ANKRD12: variants seen among roughly 807,000 people sequenced by gnomAD.
The protein encoded by ANKRD12 is ankyrin repeat domain 12.
In ANKRD12, 85 loss-of-function variants were observed where a neutral mutation model predicts 183.4. The observed-to-expected ratio is 0.46, with a 90% CI of 0.39 to 0.56. The LOEUF is 0.56. Among genes scored for constraint, ANKRD12 ranks in the 20% least tolerant of loss-of-function variants. The probability of loss-of-function intolerance (pLI) is 0.00; values close to 1 mark genes in which losing one functional copy is unlikely to be tolerated. For synonymous variants in ANKRD12, 914 were observed against 800.2 expected (o/e 1.14, Z -2.40); for missense variants, 2,405 against 2,357.1 (o/e 1.02, Z -0.42).
intron 8 of ANKRD12, among the ~76,000 whole-genome samples, chr18:9,238,792 A>G (rs1331466191): frequency 6.6e-6 from 1 of 152,228 alleles, no homozygotes; most frequent in Non-Finnish European, 1.5e-5. Flanking sequence ...AAAGATCATA[A>G]TAGCTGAAAT....
chr18:9,210,736 A>AAAAAAAAAAAAAT (rs2035754115), intron 5 of ANKRD12, among the ~76,000 whole-genome samples: 1 of 150,786 alleles, frequency 6.6e-6, no homozygotes, highest in African/African-American at 2.4e-5. Context: ...AAAAAAAAAA[A>AAAAAAAAAAAAAT]AAATCCAAAA....
chr18:9,209,863 A>G (rs2035689099), intron 5 of ANKRD12, among the ~76,000 whole-genome samples: 1 of 152,184 alleles, frequency 6.6e-6, no homozygotes, highest in Non-Finnish European at 1.5e-5. Context: ...AGTAAATTAA[A>G]AGACCAACAG....
intron 3 of ANKRD12, among the ~76,000 whole-genome samples, chr18:9,199,400 C>T (rs2144483757): frequency 6.6e-6 from 1 of 152,260 alleles, no homozygotes; most frequent in Admixed American, 6.5e-5. Context: ...TACGTGCACA[C>T]ATGATGTATA....
intron 8 of ANKRD12, among the ~76,000 whole-genome samples, chr18:9,223,099 A>T (rs369364179): frequency 6.6e-6 from 1 of 152,192 alleles, no homozygotes; most frequent in East Asian, 1.9e-4. Flanking sequence ...ACCAACAACA[A>T]CATTTGAGAG....
chr18:9,152,207 TAAAG>T (rs530632139), intron 1 of ANKRD12, among the ~76,000 whole-genome samples: 39 of 152,238 alleles, frequency 2.6e-4, no homozygotes, highest in African/African-American at 7.5e-4. Context: ...ATAAAACACT[TAAAG>T]AAAGGGGAAT....
chr18:9,208,191 G>T (rs2035592623), intron 4 of ANKRD12, among the ~76,000 whole-genome samples: 1 of 152,134 alleles, frequency 6.6e-6, no homozygotes, highest in Admixed American at 6.5e-5. Context: ...GATAAGACTT[G>T]TCTTAAATAT....
At chr18:9,217,534 C>G (rs2036180081) in intron 7 of ANKRD12, among the ~76,000 whole-genome samples, 2 of 152,086 alleles carry the variant, frequency 1.3e-5, no homozygotes, top group Admixed American at 1.3e-4. Context: ...ACCTAAAATT[C>G]AGAAATTAAA....
At chr18:9,174,887 G>A (rs4798783) in intron 1 of ANKRD12, among the ~76,000 whole-genome samples, 102,765 of 151,908 alleles carry the variant, frequency 0.68, 35,084 homozygotes, top group South Asian at 0.81. Context: ...ATTCAAGTCA[G>A]ACTTAAGTTG....
At chr18:9,216,922 C>T (rs772693726) in intron 7 of ANKRD12, 22 bp downstream of exon 7, 1 of 1,604,228 alleles carries the variant, frequency 6.2e-7, no homozygotes, top group Admixed American at 1.7e-5. Context: ...AGAAAAAAAT[C>T]AATAATACAC....
intron 7 of ANKRD12, among the ~76,000 whole-genome samples, chr18:9,219,781 A>C (rs1183689329): frequency 6.6e-6 from 1 of 151,994 alleles, no homozygotes; most frequent in Non-Finnish European, 1.5e-5. Context: ...AAGCTTAGGA[A>C]TCGATAGTAC....
chr18:9,262,610 C>T (rs2039035074), intron 9 of ANKRD12, among the ~76,000 whole-genome samples: 1 of 151,754 alleles, frequency 6.6e-6, no homozygotes, highest in African/African-American at 2.4e-5. Context: ...CAGGCAGACA[C>T]CACCACATCC....
intron 8 of ANKRD12, among the ~76,000 whole-genome samples, chr18:9,224,679 A>T (rs764301025): frequency 1.3e-4 from 20 of 152,174 alleles, no homozygotes; most frequent in Admixed American, 2.6e-4. Flanking sequence ...ATATAACTAG[A>T]AGTGCTGCAG....
chr18:9,157,585 G>GTGTGTGTGTGTATA lies in ANKRD12; in HGVS notation c.-52+20621_-52+20622insGTGTGTGTGTATAT, dbSNP rs1472659778. 2.1e-3 allele frequency among the ~76,000 whole-genome samples: 190 copies of GTGTGTGTGTGTATA among 92,672 alleles called. 3 individuals carry two copies. Among genetic ancestry groups the GTGTGTGTGTGTATA allele is most frequent in the African/African-American group, 9.2e-3 (175 of 19,034 alleles). 60.8% of individuals were successfully genotyped at this position (92,672 alleles called of 152,430 possible). ...TGTGTGTGTGTGTGTGTGTGTGTGT[G>GTGTGTGTGTGTATA]TATATATATATATATGTATTTTTTT... On this transcript the variant is annotated intron_variant, in intron 1 of 12. Coordinates refer to ENST00000262126, the MANE Select transcript of ANKRD12 (RefSeq NM_015208.5).
rs760069771 is a variant in ANKRD12 at position 9,257,292 on chromosome 18, C to T, written c.4025C>T (p.Thr1342Ile). The T allele has an allele frequency of 6.2e-7, 1 of 1,614,160 alleles. No homozygotes were observed. Among genetic ancestry groups the T allele is most frequent in the Non-Finnish European group, 8.5e-7 (1 of 1,180,002 alleles). ...QGSLLTVPGD[T>I]SPSPKPEVFS... ...AGCTTATTAACTGTGCCAGGAGATA[C>T]TAGTCCTTCTCCCAAACCTGAGGTA... Residue 1342 changes from threonine to isoleucine, a missense_variant, in exon 9 of 13, where the codon ACT (threonine) becomes ATT (isoleucine). Thr to Ile is a moderately conservative substitution (Grantham distance 89). Transcript: ENST00000262126.
intron 1 of ANKRD12, among the ~76,000 whole-genome samples, chr18:9,155,048 A>G (rs146240583): frequency 1.6e-4 from 24 of 152,342 alleles, no homozygotes; most frequent in Non-Finnish European, 3.2e-4. Context: ...TTTAGGTACC[A>G]TGGCTTAGTG....
rs776821746 is a variant in ANKRD12, at chr18:9,216,798, C to T, written c.693C>T (p.Tyr231=). Residue 231 remains tyrosine, a synonymous_variant, in exon 7 of 13, where the codon TAC becomes TAT. Transcript: ENST00000262126. ...ATGAAGCTTGCAATGTTGGATATTACGATGTTGCTAAGATACTTATAGCAG... is the reference window on the plus strand; with the variant it reads ...ATGAAGCTTGCAATGTTGGATATTATGATGTTGCTAAGATACTTATAGCAG... ...PLHEACNVGY[Y]DVAKILIAAG... is the part of the protein sequence containing the mutation. The T allele has an allele frequency of 6.3e-5, 101 of 1,613,346 alleles. No individual in the cohort carries two copies. The highest frequency in any genetic ancestry group is 1.6e-4 in the Middle Eastern group (1 of 6,080).
intron 10 of ANKRD12, among the ~76,000 whole-genome samples, chr18:9,274,406 G>C (rs2039735715): frequency 6.6e-6 from 1 of 152,192 alleles, no homozygotes; most frequent in African/African-American, 2.4e-5. Flanking sequence ...GATGAACCTT[G>C]AAATCATTAT....
At chr18:9,143,345 A>G (rs374971224) in intron 1 of ANKRD12, among the ~76,000 whole-genome samples, 5 of 152,352 alleles carry the variant, frequency 3.3e-5, no homozygotes, top group Non-Finnish European at 4.4e-5. Context: ...GATCAGTCCA[A>G]TTCACTAATA....
intron 4 of ANKRD12, among the ~76,000 whole-genome samples, chr18:9,207,527 T>TA (rs1373718629): frequency 6.6e-6 from 1 of 152,112 alleles, no homozygotes; most frequent in Non-Finnish European, 1.5e-5. Context: ...ATTAATTTCT[T>TA]ATGCCTGCTA....
Sources: allele counts gnomAD v4.1 joint callset (sites outside exome capture counted in the v4.1 genomes callset), GRCh38; gene constraint gnomAD v4.1.1; transcripts MANE v1.5; gene names NCBI Gene and HGNC (gene_info 2026-07-23, HGNC 2026-07-21).